Variants in HMGXB3 observed in about 807,000 individuals in gnomAD.
The protein encoded by HMGXB3 is HMG-box containing 3.
In HMGXB3, 45 loss-of-function variants were observed where a neutral mutation model predicts 121.5. That is an observed-to-expected ratio of 0.37 (90% CI 0.29 to 0.47). The LOEUF is 0.47. Among genes scored for constraint, HMGXB3 ranks in the 20% least tolerant of loss-of-function variants. HMGXB3 has a pLI of 0.99. For synonymous variants in HMGXB3, 590 were observed against 624.1 expected (o/e 0.95, Z 0.81); for missense variants, 1,376 against 1,602.2 (o/e 0.86, Z 2.41).
chr5:150,028,495 A>G (rs55722063), intron 9 of HMGXB3, among the ~76,000 whole-genome samples: 2 of 88,190 alleles, frequency 2.3e-5, no homozygotes, highest in South Asian at 3.2e-4. Context: ...ATATGTATAT[A>G]TATGTATGTA....
intron 9 of HMGXB3, chr5:150,030,478 A>G (rs1756345991): frequency 2.6e-6 from 1 of 384,814 alleles, no homozygotes; most frequent in Non-Finnish European, 4.8e-6. Context: ...TTTATAACTC[A>G]GTAGTAGTTG....
chr5:150,044,369 G>A (rs2113760124), intron 15 of HMGXB3, among the ~76,000 whole-genome samples: 1 of 152,256 alleles, frequency 6.6e-6, no homozygotes, highest in South Asian at 2.1e-4. Flanking sequence ...GACTCAGCTG[G>A]CCTCATTCCC....
At chr5:150,023,946 A>C (rs151037951) in intron 6 of HMGXB3, among the ~76,000 whole-genome samples, 136 of 152,398 alleles carry the variant, frequency 8.9e-4, no homozygotes, top group African/African-American at 3.1e-3. Flanking sequence ...CCTTTGAATA[A>C]TGTAAAACTA....
chr5:150,039,648 A>G (rs1036556436), intron 13 of HMGXB3, among the ~76,000 whole-genome samples: 1 of 151,882 alleles, frequency 6.6e-6, no homozygotes, highest in Non-Finnish European at 1.5e-5. Flanking sequence ...TTTTGTTGAC[A>G]GTTTTCTCCC....
intron 12 of HMGXB3, 35 bp from the exon 13 acceptor site, chr5:150,037,365 T>G (rs1756524105): frequency 6.7e-7 from 1 of 1,502,492 alleles, no homozygotes; most frequent in Admixed American, 2.3e-5. Flanking sequence ...TCTCTTTCCC[T>G]TCTTTTTTTT....
chr5:150,052,377 T>C lies in HMGXB3; in HGVS notation c.*185T>C. On this transcript the variant is annotated 3_prime_UTR_variant, in exon 20 of 20. Coordinates refer to ENST00000502717, the MANE Select transcript of HMGXB3 (RefSeq NM_014983.3). The stretch of plus-strand genomic sequence containing the variant: ...ACCCAGGGTCCTCAGTTCTCAACCC[T>C]CCAGGGGTCAGGAGTGGTACCAGGA... 1.7e-6 allele frequency: 1 copy of C among 597,738 alleles called. No homozygotes were observed. The highest frequency in any genetic ancestry group is 3.0e-6 in the Non-Finnish European group (1 of 338,010). The allele number at this position is 597,738 out of a possible 1,614,324, so 37.0% of individuals were successfully genotyped here.
At chr5:150,034,802 A>C (rs969341717) in intron 11 of HMGXB3, among the ~76,000 whole-genome samples, 1 of 152,236 alleles carries the variant, frequency 6.6e-6, no homozygotes, top group African/African-American at 2.4e-5. Flanking sequence ...AATGGTCTTT[A>C]GTCCTTTCTA....
intron 2 of HMGXB3, 137 bp from the exon 3 acceptor site, chr5:150,006,336 G>C: frequency 3.4e-6 from 2 of 589,646 alleles, no homozygotes; most frequent in Non-Finnish European, 5.6e-6. Context: ...TCAACCTCTT[G>C]ACTACCCATA....
chr5:150,002,805 T>G (rs913757138), intron 1 of HMGXB3, among the ~76,000 whole-genome samples: 2 of 151,754 alleles, frequency 1.3e-5, no homozygotes, highest in Non-Finnish European at 3.0e-5. Flanking sequence ...ACTGTTTAGA[T>G]CTGTGCTGTC....
At chr5:150,013,474 T>TA (rs1287704441) in intron 5 of HMGXB3, among the ~76,000 whole-genome samples, 14 of 152,224 alleles carry the variant, frequency 9.2e-5, no homozygotes, top group Admixed American at 2.0e-4. Flanking sequence ...GGATTTCATT[T>TA]GCTAAAAAGT....
intron 1 of HMGXB3, among the ~76,000 whole-genome samples, chr5:150,003,116 C>T (rs1755618372): frequency 6.6e-6 from 1 of 151,956 alleles, no homozygotes; most frequent in Non-Finnish European, 1.5e-5. Flanking sequence ...GCACTGCAGC[C>T]CAGGGGACAG....
intron 11 of HMGXB3, 145 bp downstream of exon 11, chr5:150,032,748 G>T: frequency 2.2e-6 from 2 of 927,542 alleles, no homozygotes; most frequent in South Asian, 3.5e-5. Flanking sequence ...CTGAACCTGA[G>T]CAAGTGCCGC....
intron 4 of HMGXB3, among the ~76,000 whole-genome samples, chr5:150,011,369 A>G (rs1048378995): frequency 3.3e-5 from 5 of 152,144 alleles, no homozygotes; most frequent in African/African-American, 1.2e-4. Context: ...ATGCCATAGT[A>G]TAATATATAA....
chr5:150,030,971 A>C (rs936900652), intron 10 of HMGXB3, 132 bp downstream of exon 10: 2 of 619,990 alleles, frequency 3.2e-6, no homozygotes, highest in African/African-American at 3.7e-5. Context: ...TAGATTGTTA[A>C]TGATGAAGAT....
chr5:150,019,061 G>A (rs374925019), intron 6 of HMGXB3, among the ~76,000 whole-genome samples: 4 of 150,856 alleles, frequency 2.7e-5, no homozygotes, highest in East Asian at 3.9e-4. Flanking sequence ...CTCCTGTCTC[G>A]GCCTCCCAAA....
chr5:150,031,812 A>G (rs191080374), intron 10 of HMGXB3, among the ~76,000 whole-genome samples: 61 of 152,302 alleles, frequency 4.0e-4, no homozygotes, highest in African/African-American at 1.3e-3. Flanking sequence ...AGACAGCACA[A>G]TGTGATGGGT....
At chr5:150,031,007 A>C (rs927076100) in intron 10 of HMGXB3, among the ~76,000 whole-genome samples, 168 bp downstream of exon 10, 1 of 152,162 alleles carries the variant, frequency 6.6e-6, no homozygotes, top group East Asian at 1.9e-4. Flanking sequence ...AATAATAGCT[A>C]CTGGATGAAT....
chr5:150,017,151 C>T (rs973151778), intron 5 of HMGXB3, among the ~76,000 whole-genome samples: 4 of 152,132 alleles, frequency 2.6e-5, no homozygotes, highest in Non-Finnish European at 5.9e-5. Flanking sequence ...AGGACTGAAA[C>T]GTCATCCTTG....
intron 5 of HMGXB3, among the ~76,000 whole-genome samples, 165 bp downstream of exon 5, chr5:150,012,518 T>C (rs923195770): frequency 1.3e-5 from 2 of 152,238 alleles, no homozygotes; most frequent in African/African-American, 2.4e-5. Context: ...ATTTCAGGGA[T>C]TATGTGGTCC....
Sources: gnomAD v4.1 joint callset for allele counts (sites outside exome capture counted in the v4.1 genomes callset) on GRCh38, gnomAD v4.1.1 for gene constraint, MANE v1.5 for transcripts, NCBI Gene and HGNC (gene_info 2026-07-23, HGNC 2026-07-21) for gene names.